The following RBPJ variants were observed in gnomAD, a reference collection of about 807,000 sequenced individuals.
RBPJ encodes recombination signal binding protein for immunoglobulin kappa J region.
A neutral mutation model predicts 67.8 loss-of-function variants in RBPJ; 9 were observed. That is an observed-to-expected ratio of 0.13 (90% CI 0.08 to 0.23). The LOEUF is 0.23. Ranked by LOEUF, RBPJ falls within the 10% of genes least tolerant of loss-of-function variation. The pLI is 1.00. For missense variants in RBPJ, 305 were observed against 595.6 expected (o/e 0.51, Z 5.08); for synonymous variants, 198 against 203.3 (o/e 0.97, Z 0.22).
intron 3 of RBPJ, among the ~76,000 whole-genome samples, chr4:26,413,313 C>T (rs754515509): frequency 3.9e-5 from 6 of 152,202 alleles, no homozygotes; most frequent in Admixed American, 1.3e-4. Context: ...GGAAACTTTT[C>T]CTGACCACCT....
intron 1 of RBPJ, among the ~76,000 whole-genome samples, chr4:26,332,795 C>T (rs533293806): frequency 2.0e-5 from 3 of 152,244 alleles, no homozygotes; most frequent in South Asian, 4.1e-4. Context: ...TACAGACACT[C>T]GCCACCAGTC....
At chr4:26,314,257 A>G (rs530220589) in intron 1 of RBPJ, among the ~76,000 whole-genome samples, 1 of 152,336 alleles carries the variant, frequency 6.6e-6, no homozygotes, top group Admixed American at 6.5e-5. Flanking sequence ...TTTAAAAAAA[A>G]AGACATCTCT....
intron 1 of RBPJ, among the ~76,000 whole-genome samples, chr4:26,224,114 A>G (rs1719004658): frequency 6.6e-6 from 1 of 152,184 alleles, no homozygotes. Flanking sequence ...ATTGTCTTGA[A>G]TTGATCTCCA....
intron 1 of RBPJ, among the ~76,000 whole-genome samples, chr4:26,276,025 A>G (rs1177763405): frequency 6.6e-6 from 1 of 151,520 alleles, no homozygotes; most frequent in Non-Finnish European, 1.5e-5. Context: ...CTGTAATCCC[A>G]GCACTTTGGG....
At chr4:26,135,813 C>G in the RBPJ span, among the ~76,000 whole-genome samples, 2 of 152,306 alleles carry the variant, frequency 1.3e-5, no homozygotes, top group South Asian at 4.1e-4. Flanking sequence ...GCAATGGGAG[C>G]TGAAGAGGTC....
upstream of RBPJ, chr4:26,320,666 C>T (rs551121765): frequency 2.1e-6 from 3 of 1,445,530 alleles, no homozygotes; most frequent in South Asian, 2.8e-5. Context: ...CTCCATTCCT[C>T]GTCCCCGTAG....
At chr4:26,374,507 G>A (rs894751642) in intron 1 of RBPJ, among the ~76,000 whole-genome samples, 7 of 148,280 alleles carry the variant, frequency 4.7e-5, no homozygotes, top group Admixed American at 1.3e-4. Flanking sequence ...ATGGAATCTC[G>A]CTCTGTCACC....
intron 2 of RBPJ, among the ~76,000 whole-genome samples, chr4:26,391,468 C>T (rs1032543613): frequency 2.0e-5 from 3 of 152,054 alleles, no homozygotes; most frequent in African/African-American, 7.2e-5. Context: ...CCACCCCCCA[C>T]ACACAAAGTA....
the RBPJ span, among the ~76,000 whole-genome samples, chr4:26,109,654 C>CTCTCTG: frequency 2.7e-4 from 10 of 37,406 alleles, 2 homozygotes; most frequent in Non-Finnish European, 5.0e-4. Context: ...CTCTCTCTCT[C>CTCTCTG]TCTCTCTCTC....
intron 1 of RBPJ, among the ~76,000 whole-genome samples, chr4:26,334,778 G>GTGTTT (rs1237402164): frequency 6.6e-6 from 1 of 152,122 alleles, no homozygotes; most frequent in Non-Finnish European, 1.5e-5. Flanking sequence ...TCTGCATCTT[G>GTGTTT]TGTTTTGTTT....
At chr4:26,422,039 T>C (rs1735187655) in intron 5 of RBPJ, among the ~76,000 whole-genome samples, 1 of 152,208 alleles carries the variant, frequency 6.6e-6, no homozygotes, top group Admixed American at 6.5e-5. Flanking sequence ...TTGAAGAAAC[T>C]GGATCATTTT....
intron 2 of RBPJ, among the ~76,000 whole-genome samples, chr4:26,404,877 T>C (rs927942525): frequency 6.6e-6 from 1 of 152,204 alleles, no homozygotes; most frequent in African/African-American, 2.4e-5. Flanking sequence ...TCTAAGAACT[T>C]TTCCCAGCAT....
At chr4:26,322,041 T>C (rs1011020795) in intron 1 of RBPJ, 2 of 152,052 alleles carry the variant, frequency 1.3e-5, no homozygotes, top group Non-Finnish European at 1.5e-5. Context: ...GTGGGTTGTT[T>C]TGCTTGGAAA....
the RBPJ span, among the ~76,000 whole-genome samples, chr4:26,139,133 A>G: frequency 3.1e-5 from 4 of 128,808 alleles, no homozygotes; most frequent in African/African-American, 6.0e-5. Flanking sequence ...ATAAGCTCAC[A>G]GGCACACGGC....
intron 1 of RBPJ, among the ~76,000 whole-genome samples, chr4:26,276,272 CAA>C (rs767611317): frequency 2.0e-4 from 13 of 64,296 alleles, no homozygotes; most frequent in Non-Finnish European, 6.8e-5. Context: ...GACTCCATCT[CAA>C]AAAAAAAAAA....
chr4:26,187,249 A>G (rs1294407009), intron 1 of RBPJ, among the ~76,000 whole-genome samples: 1 of 152,202 alleles, frequency 6.6e-6, no homozygotes, highest in African/African-American at 2.4e-5. Flanking sequence ...AACAAAAAAC[A>G]CAAACAAGCT....
At chr4:26,136,589 C>T in the RBPJ span, among the ~76,000 whole-genome samples, 1 of 152,234 alleles carries the variant, frequency 6.6e-6, no homozygotes, top group African/African-American at 2.4e-5. Context: ...TGGATTGCCA[C>T]TGGCAGCATC....
At chr4:26,321,719 C>T in intron 1 of RBPJ, 1 of 152,644 alleles carries the variant, frequency 6.6e-6, no homozygotes, top group Non-Finnish European at 1.5e-5. Context: ...CCCCCCGAGG[C>T]TTTGTCTCCC....
chr4:26,315,849 A>C (rs1466743408), upstream of RBPJ, among the ~76,000 whole-genome samples: 2 of 152,082 alleles, frequency 1.3e-5, no homozygotes, highest in African/African-American at 4.8e-5. Context: ...CTAGGAAAAA[A>C]ATTTAGTAAT....
Sources: allele counts gnomAD v4.1 joint callset (sites outside exome capture counted in the v4.1 genomes callset), GRCh38; gene constraint gnomAD v4.1.1; transcripts MANE v1.5; gene names NCBI Gene and HGNC (gene_info 2026-07-23, HGNC 2026-07-21).